GPR39: variants seen among roughly 807,000 people sequenced by gnomAD.
The protein encoded by GPR39 is zinc sensing receptor.
A neutral mutation model predicts 18.4 loss-of-function variants in GPR39; 23 were observed. The ratio of observed to expected loss-of-function variants is 1.25; its 90% CI spans 0.90 to 1.77. The LOEUF is 1.77. GPR39 is among the 40% of genes most tolerant of loss of function. The pLI is 0.00. For missense variants in GPR39, 647 were observed against 602.4 expected, an observed-to-expected ratio of 1.07 and a Z score of -0.78; for synonymous variants, 280 against 257.9, an observed-to-expected ratio of 1.09 and a Z score of -0.82.
At chr2:132,423,339 C>A (rs1680050960) in intron 1 of GPR39, among the ~76,000 whole-genome samples, 1 of 150,200 alleles carries the variant, frequency 6.7e-6, no homozygotes, top group Admixed American at 6.6e-5. Context: ...GGATGCTGGT[C>A]TTATCAGATT....
chr2:132,517,840 T>C (rs1249206003), intron 1 of GPR39, among the ~76,000 whole-genome samples: 1 of 152,228 alleles, frequency 6.6e-6, no homozygotes, highest in East Asian at 1.9e-4. Context: ...TACATTTATG[T>C]CTTTATCTTT....
At chr2:132,455,976 C>T (rs932306983) in intron 1 of GPR39, among the ~76,000 whole-genome samples, 1 of 152,152 alleles carries the variant, frequency 6.6e-6, no homozygotes, top group African/African-American at 2.4e-5. Flanking sequence ...GTGGAGAATT[C>T]TGTAGATGTC....
At chr2:132,523,446 T>C (rs1204649865) in intron 1 of GPR39, among the ~76,000 whole-genome samples, 1 of 152,090 alleles carries the variant, frequency 6.6e-6, no homozygotes, top group African/African-American at 2.4e-5. Context: ...TGCCCATCAT[T>C]GAGGTCCAGT....
intron 1 of GPR39, among the ~76,000 whole-genome samples, chr2:132,516,977 A>G (rs1679345068): frequency 1.3e-5 from 2 of 152,238 alleles, no homozygotes; most frequent in South Asian, 2.1e-4. Flanking sequence ...TGTAATAGCA[A>G]AAGATTAAAA....
intron 1 of GPR39, among the ~76,000 whole-genome samples, chr2:132,492,668 A>ATATATAATATATATACACACCATC (rs1681508114): frequency 7.4e-6 from 1 of 134,426 alleles, no homozygotes; most frequent in African/African-American, 2.9e-5. Flanking sequence ...TACACACCAT[A>ATATATAATATATATACACACCATC]TATATATAAT....
intron 1 of GPR39, among the ~76,000 whole-genome samples, chr2:132,602,528 AGGCAAATG>A (rs751705527): frequency 2.6e-5 from 4 of 152,112 alleles, no homozygotes; most frequent in Non-Finnish European, 5.9e-5. Flanking sequence ...AACAAAAAAT[AGGCAAATG>A]GAACTATATC....
chr2:132,547,500 G>C (rs1399104445), intron 1 of GPR39, among the ~76,000 whole-genome samples: 1 of 152,060 alleles, frequency 6.6e-6, no homozygotes, highest in African/African-American at 2.4e-5. Flanking sequence ...TAGGTCTGAT[G>C]GTTTTTAATT....
At chr2:132,486,072 T>G (rs1467047604) in intron 1 of GPR39, among the ~76,000 whole-genome samples, 1 of 152,226 alleles carries the variant, frequency 6.6e-6, no homozygotes, top group Non-Finnish European at 1.5e-5. Context: ...ATTAATCTCC[T>G]TGTACATCTC....
chr2:132,552,935 T>C (rs143738021), intron 1 of GPR39, among the ~76,000 whole-genome samples: 38,371 of 142,674 alleles, frequency 0.27, 6,467 homozygotes, highest in Non-Finnish European at 0.39. Context: ...CACACACACA[T>C]ATATATATTT....
intron 1 of GPR39, among the ~76,000 whole-genome samples, chr2:132,428,121 A>G (rs1194956613): frequency 6.6e-6 from 1 of 152,036 alleles, no homozygotes; most frequent in African/African-American, 2.4e-5. Flanking sequence ...TTCTGTAGGA[A>G]CTAGCTGTTC....
intron 1 of GPR39, among the ~76,000 whole-genome samples, chr2:132,534,387 G>A (rs1476146948): frequency 6.7e-6 from 1 of 149,518 alleles, no homozygotes; most frequent in African/African-American, 2.4e-5. Context: ...TTACACTGTT[G>A]ATGGGACTGT....
At chr2:132,622,559 G>A (rs928602080) in intron 1 of GPR39, among the ~76,000 whole-genome samples, 3 of 152,168 alleles carry the variant, frequency 2.0e-5, no homozygotes, top group Non-Finnish European at 4.4e-5. Context: ...AGAAATTGCA[G>A]GTAAAGCCAT....
intron 1 of GPR39, among the ~76,000 whole-genome samples, chr2:132,491,962 T>G (rs1280673166): frequency 6.6e-6 from 1 of 151,650 alleles, no homozygotes; most frequent in African/African-American, 2.4e-5. Flanking sequence ...ACATAGTAAG[T>G]GCTCAAAAAA....
chr2:132,520,069 T>C (rs530884731), intron 1 of GPR39, among the ~76,000 whole-genome samples: 1 of 152,300 alleles, frequency 6.6e-6, no homozygotes, highest in Admixed American at 6.5e-5. Context: ...CTTCCTCTCT[T>C]CTTTCCTTTT....
At chr2:132,623,104 T>C (rs1216753908) in intron 1 of GPR39, among the ~76,000 whole-genome samples, 1 of 152,078 alleles carries the variant, frequency 6.6e-6, no homozygotes, top group East Asian at 1.9e-4. Context: ...AAAGCGAGAC[T>C]CTGTCTCAAA....
chr2:132,422,780 A>T (rs895850752), intron 1 of GPR39, among the ~76,000 whole-genome samples: 2 of 151,996 alleles, frequency 1.3e-5, no homozygotes, highest in Non-Finnish European at 2.9e-5. Flanking sequence ...ATAATGCTGC[A>T]TTATTTTTAT....
At chr2:132,557,717 G>A (rs1245080836) in intron 1 of GPR39, among the ~76,000 whole-genome samples, 2 of 152,102 alleles carry the variant, frequency 1.3e-5, no homozygotes, top group African/African-American at 4.8e-5. Flanking sequence ...GTTTATATGG[G>A]GGAGAGAGAC....
chr2:132,417,196 A>G lies in GPR39; in HGVS notation c.154A>G (p.Ile52Val). The G allele has an allele frequency of 1.9e-6, 3 of 1,614,094 alleles. No individual in the cohort carries two copies. Among genetic ancestry groups the G allele is most frequent in the Non-Finnish European group, 2.5e-6 (3 of 1,180,008 alleles). The change falls in exon 1 of 2, where the codon ATT (isoleucine) becomes GTT (valine). Residue 52 changes from isoleucine (I) to valine (V), a missense_variant. Physicochemically the swap from Ile to Val is conservative, Grantham distance 29. Around this residue, in one of 3 missense-constraint regions of GPR39, gnomAD observed 61 missense variants for 79.2 expected, o/e 0.77. Coordinates refer to ENST00000329321, the MANE Select transcript of GPR39 (RefSeq NM_001508.3). ...VMGLLGNSATIRVTQVLQKKG... is the reference protein window; with the variant it reads ...VMGLLGNSATVRVTQVLQKKG... ...GGGCCTTCTGGGGAACAGCGCCACC[A>G]TTCGGGTCACCCAGGTGCTGCAGAA...
chr2:132,619,504 T>C (rs1190028221), intron 1 of GPR39, among the ~76,000 whole-genome samples: 1 of 152,134 alleles, frequency 6.6e-6, no homozygotes, highest in Admixed American at 6.5e-5. Flanking sequence ...AGAAACCAAG[T>C]AGAGGGAGCT....
Sources: gnomAD v4.1 joint callset for allele counts (sites outside exome capture counted in the v4.1 genomes callset) on GRCh38, gnomAD v4.1.1 for gene constraint, gnomAD v4.1.1 regional missense constraint, MANE v1.5 for transcripts, NCBI Gene and HGNC (gene_info 2026-07-23, HGNC 2026-07-21) for gene names.